Variants in SUN1 observed in about 807,000 individuals in gnomAD.
SUN1 encodes Sad1 and UNC84 domain containing 1.
A neutral mutation model predicts 103.2 loss-of-function variants in SUN1; 61 were observed. That is an observed-to-expected ratio of 0.59 (90% CI 0.48 to 0.73). SUN1 has a LOEUF of 0.73. Ranked by LOEUF, SUN1 falls within the 30% of genes least tolerant of loss-of-function variation. SUN1 has a pLI of 0.00. For synonymous variants in SUN1, 490 were observed against 425.7 expected (o/e 1.15, Z -1.86); for missense variants, 1,052 against 1,034.6 (o/e 1.02, Z -0.23).
rs775680958 is a variant in SUN1 at position 860,286 on chromosome 7, C to T, written c.1683C>T (p.Asn561=). 35 of 1,614,144 alleles carry T rather than the reference C, an allele frequency of 2.2e-5. No individual in the cohort carries two copies. Among genetic ancestry groups the T allele is most frequent in the Non-Finnish European group, 2.3e-5 (27 of 1,180,048 alleles). Reference sequence around the variant, plus strand: ...ACCTGCAGCTGCAGATCCTGCGGAACGTCACCCACCACGTTTCCGTGACCA... The same window carrying T: ...ACCTGCAGCTGCAGATCCTGCGGAATGTCACCCACCACGTTTCCGTGACCA... ...LRDLQLQILR[N]VTHHVSVTKQ... Residue 561 remains asparagine (N), a synonymous_variant, in exon 14 of 19, where the codon AAC becomes AAT. Coordinates refer to ENST00000401592, the MANE Select transcript of SUN1 (RefSeq NM_001130965.3).
intron 17 of SUN1, 70 bp downstream of exon 17, chr7:869,586 C>G: frequency 6.4e-7 from 1 of 1,560,022 alleles, no homozygotes; most frequent in Non-Finnish European, 8.7e-7. Flanking sequence ...AAGCAAGTGA[C>G]GTGAGCGCAC....
chr7:844,252 CCTG>C (rs1184006656), intron 5 of SUN1, among the ~76,000 whole-genome samples: 1 of 152,234 alleles, frequency 6.6e-6, no homozygotes, highest in Non-Finnish European at 1.5e-5. Flanking sequence ...ATCTCTCTCA[CCTG>C]CAGCAGGAAG....
intron 1 of SUN1, among the ~76,000 whole-genome samples, chr7:823,723 CTG>C (rs1788628001): frequency 1.3e-5 from 2 of 152,226 alleles, no homozygotes; most frequent in South Asian, 2.1e-4. Flanking sequence ...AGAGGCAAGA[CTG>C]GAGCCAGGGA....
In SUN1 at chr7:853,440, T is replaced by C. The variant is rs1430178204; in HGVS notation, c.1085T>C (p.Met362Thr). 2 of 1,613,878 alleles carry C rather than the reference T, an allele frequency of 1.2e-6. No individual in the cohort carries two copies. The highest frequency in any genetic ancestry group is 1.7e-6 in the Non-Finnish European group (2 of 1,180,050). The change falls in exon 10 of 19, where the codon ATG (methionine) becomes ACG (threonine). Residue 362 changes from methionine (M) to threonine (T), a missense_variant. Met to Thr is a moderately conservative substitution (Grantham distance 81). This residue lies in a region of SUN1 where 846 missense variants were observed against 774.5 expected (regional missense o/e 1.09). Coordinates refer to ENST00000401592, the MANE Select transcript of SUN1 (RefSeq NM_001130965.3). ...AGTGAGGCTTTTCCGTGGCATTGGA[T>C]GAGTGGCGTGGAGCAGCAGGTGGCC... is the stretch of plus-strand genomic sequence containing the variant. ...GDSEAFPWHW[M>T]SGVEQQVASL... is the part of the protein sequence containing the mutation.
intron 1 of SUN1, among the ~76,000 whole-genome samples, chr7:822,174 A>T (rs1225625664): frequency 2.0e-5 from 3 of 152,234 alleles, no homozygotes; most frequent in Non-Finnish European, 4.4e-5. Context: ...GCTTCTTATA[A>T]TACACTGTTT....
intron 1 of SUN1, among the ~76,000 whole-genome samples, chr7:834,641 G>A (rs923096478): frequency 6.6e-6 from 1 of 152,140 alleles, no homozygotes; most frequent in South Asian, 2.1e-4. Flanking sequence ...AGCCCTCCCC[G>A]CACAGCTGGA....
chr7:867,747 C>T (rs887585753), intron 16 of SUN1, among the ~76,000 whole-genome samples: 1 of 152,228 alleles, frequency 6.6e-6, no homozygotes, highest in African/African-American at 2.4e-5. Flanking sequence ...TATAAGGGAC[C>T]AGCTCCCACC....
In SUN1 at chr7:856,372, A is replaced by C; in HGVS notation, c.1365A>C (p.Glu455Asp). Residue 455 changes from glutamate to aspartate, a missense_variant, in exon 12 of 19, where the codon GAA (glutamate) becomes GAC (aspartate). Physicochemically the swap from Glu to Asp is conservative, Grantham distance 45. This residue lies in a region of SUN1 where 846 missense variants were observed against 774.5 expected (regional missense o/e 1.09). Coordinates refer to ENST00000401592, the MANE Select transcript of SUN1 (RefSeq NM_001130965.3). ...LREKSEAIQK[E>D]LEQTKQKTIS... ...ATACTTTTTAGGCCATCCAGAAGGAACTAGAACAGACCAAGCAAAAAACAA... is the reference window on the plus strand; with the variant it reads ...ATACTTTTTAGGCCATCCAGAAGGACCTAGAACAGACCAAGCAAAAAACAA... 6.2e-7 allele frequency: 1 copy of C among 1,614,152 alleles called. No homozygotes were observed. The highest frequency in any genetic ancestry group is 8.5e-7 in the Non-Finnish European group (1 of 1,180,000).
chr7:830,639 C>G (rs1007239915), upstream of SUN1, among the ~76,000 whole-genome samples: 2 of 152,180 alleles, frequency 1.3e-5, no homozygotes, highest in Admixed American at 1.3e-4. Flanking sequence ...CCCTACCATC[C>G]CCATCTTCCT....
rs925309031 is a variant in SUN1 at position 825,352 on chromosome 7, G to A, written c.-74+8679G>A. Among the ~76,000 whole-genome samples the A allele has an allele frequency of 9.2e-5, 14 of 152,130 alleles. 1 individual carries two copies. Among genetic ancestry groups the A allele is most frequent in the Admixed American group, 7.9e-4 (12 of 15,278 alleles). On this transcript the variant is annotated intron_variant, in intron 1 of 17. Coordinates refer to the SUN1 transcript ENST00000389574. ...GTTGGGATTACAGGCATGAGCCACC[G>A]CACTTGGCCTATTATGTTAATTTTA...
At chr7:858,032 A>G in intron 13 of SUN1, 75 bp downstream of exon 13, 1 of 1,437,208 alleles carries the variant, frequency 7.0e-7, no homozygotes, top group East Asian at 2.4e-5. Flanking sequence ...ACTTAGGTTT[A>G]TTAGCTGTTT....
In SUN1 at chr7:839,604, C is replaced by G. The variant is rs1333148011; in HGVS notation, c.266+618C>G. 1.7e-4 allele frequency among the ~76,000 whole-genome samples: 8 copies of G among 47,350 alleles called. 3 individuals are homozygous for G. The highest frequency in any genetic ancestry group is 4.7e-4 in the African/African-American group (6 of 12,860). The allele number at this position is 47,350 out of a possible 152,430, so 31.1% of individuals were successfully genotyped here. On this transcript the variant is annotated intron_variant, in intron 2 of 18. Coordinates refer to ENST00000401592, the MANE Select transcript of SUN1 (RefSeq NM_001130965.3). ...TCACTTCGTTGCCCAGGCTGGAGTA[C>G]AGTGGTGGCGTGATCTTGGCTCACT...
At chr7:871,232 GTCT>G (rs889120636) in intron 17 of SUN1, among the ~76,000 whole-genome samples, 5 of 152,058 alleles carry the variant, frequency 3.3e-5, no homozygotes, top group African/African-American at 1.2e-4. Context: ...GTAAATTCTA[GTCT>G]TCTTTTTGTT....
rs888062366 is a variant in SUN1, at chr7:873,165, G to A, written c.2242-50G>A. The A allele has an allele frequency of 5.2e-6, 8 of 1,525,664 alleles. No homozygotes were observed. The African/African-American group carries it at 8.2e-5, about 16-fold the overall frequency. The allele number at this position is 1,525,664 out of a possible 1,614,324, so 94.5% of individuals were successfully genotyped here. A position where few individuals can be genotyped will look rare whatever the true frequency, so the allele number is the denominator to read the frequency against. On this transcript the variant is annotated intron_variant, in intron 18 of 18. Coordinates refer to ENST00000401592, the MANE Select transcript of SUN1 (RefSeq NM_001130965.3). ...ATATTTGGGGAAGTGATTGGACTTG[G>A]GGTTATTAATATGAAATACATGTGT...
At chr7:844,317 C>G (rs1010523992) in intron 5 of SUN1, among the ~76,000 whole-genome samples, 1 of 152,220 alleles carries the variant, frequency 6.6e-6, no homozygotes, top group Admixed American at 6.5e-5. Context: ...AAGCCCTTAG[C>G]AGCTTGTCCT....
upstream of SUN1, among the ~76,000 whole-genome samples, chr7:829,560 G>GTT (rs1200395457): frequency 6.6e-5 from 8 of 121,234 alleles, no homozygotes; most frequent in Non-Finnish European, 8.9e-5. Context: ...TTTTTTTTTT[G>GTT]TTTTTTTTTT....
At chr7:831,685 G>T (rs1233300643), upstream of SUN1, among the ~76,000 whole-genome samples, 1 of 152,206 alleles carries the variant, frequency 6.6e-6, no homozygotes, top group Admixed American at 6.5e-5. Context: ...TTCAAAGAAG[G>T]TAGCATGAAT....
In SUN1 at chr7:856,394, A is replaced by G; in HGVS notation, c.1387A>G (p.Thr463Ala). The G allele has an allele frequency of 6.2e-7, 1 of 1,614,106 alleles. No individual in the cohort carries two copies. The highest frequency in any genetic ancestry group is 1.1e-5 in the South Asian group (1 of 91,080). The change falls in exon 12 of 19, where the codon ACA becomes GCA. Residue 463 changes from threonine (T) to alanine (A), a missense_variant. Thr to Ala is a moderately conservative substitution (Grantham distance 58, BLOSUM62 0). Transcript: ENST00000401592. ...GGAACTAGAACAGACCAAGCAAAAA[A>G]CAATCAGGTAGGAGGATTTGGAAAA... is the stretch of plus-strand genomic sequence containing the variant. ...QKELEQTKQK[T>A]ISAVGEQLLP...
At chr7:863,270 C>T (rs188848532) in intron 15 of SUN1, among the ~76,000 whole-genome samples, 4 of 150,696 alleles carry the variant, frequency 2.7e-5, no homozygotes, top group Non-Finnish European at 1.5e-5. Context: ...GCGCCAGGGC[C>T]CCTGGAGTGC....
Sources: gnomAD v4.1 joint callset for allele counts (sites outside exome capture counted in the v4.1 genomes callset) on GRCh38, gnomAD v4.1.1 for gene constraint, gnomAD v4.1.1 regional missense constraint, MANE v1.5 for transcripts, NCBI Gene and HGNC (gene_info 2026-07-23, HGNC 2026-07-21) for gene names.